Variants in MARCHF6 observed in about 807,000 individuals in gnomAD.
The protein encoded by MARCHF6 is E3 ubiquitin-protein ligase MARCHF6.
Under a neutral mutation model 133.7 loss-of-function variants are expected in MARCHF6, and 31 were observed. The observed-to-expected ratio is 0.23, with a 90% CI of 0.17 to 0.31. MARCHF6 has a LOEUF of 0.31. Among genes scored for constraint, MARCHF6 ranks in the 10% least tolerant of loss-of-function variants. MARCHF6 has a pLI of 1.00. For missense variants in MARCHF6, 723 were observed against 1,121.6 expected (o/e 0.64, Z 5.08); for synonymous variants, 395 against 402.5 (o/e 0.98, Z 0.22).
chr5:10,424,275 G>T (rs1364012793), intron 23 of MARCHF6, among the ~76,000 whole-genome samples: 1 of 152,074 alleles, frequency 6.6e-6, no homozygotes, highest in African/African-American at 2.4e-5. Context: ...TGGCAGATGC[G>T]GCTCCTTAGT....
chr5:10,391,186 G>A (rs905421707), intron 6 of MARCHF6, among the ~76,000 whole-genome samples: 9 of 152,142 alleles, frequency 5.9e-5, no homozygotes, highest in African/African-American at 2.2e-4. Context: ...AGGCTGGAGG[G>A]CAGTGGCATG....
At chr5:10,407,275 A>G in intron 17 of MARCHF6, 73 bp downstream of exon 17, 1 of 650,404 alleles carries the variant, frequency 1.5e-6, no homozygotes, top group Non-Finnish European at 2.5e-6. Flanking sequence ...ATTACATTAA[A>G]CATTTAAAAC....
chr5:10,417,045 T>G (rs1739552951), intron 21 of MARCHF6, among the ~76,000 whole-genome samples: 1 of 152,186 alleles, frequency 6.6e-6, no homozygotes, highest in Non-Finnish European at 1.5e-5. Context: ...AGAAACCTAG[T>G]CCTAAGAACT....
At chr5:10,382,194 G>C (rs544556648) in intron 4 of MARCHF6, among the ~76,000 whole-genome samples, 1 of 152,126 alleles carries the variant, frequency 6.6e-6, no homozygotes, top group Non-Finnish European at 1.5e-5. Context: ...TCATGAAAGC[G>C]TTGAAAAAAT....
intron 10 of MARCHF6, among the ~76,000 whole-genome samples, chr5:10,398,852 G>A (rs1738345907): frequency 6.6e-6 from 1 of 152,122 alleles, no homozygotes; most frequent in Admixed American, 6.5e-5. Flanking sequence ...AATGAAACAA[G>A]TTTTCTTCCA....
chr5:10,386,718 T>C (rs1737502799), intron 4 of MARCHF6, among the ~76,000 whole-genome samples: 1 of 152,258 alleles, frequency 6.6e-6, no homozygotes, highest in African/African-American at 2.4e-5. Context: ...GATTTTTCTT[T>C]TCAAACATCT....
intron 4 of MARCHF6, among the ~76,000 whole-genome samples, chr5:10,385,548 CA>C (rs1014749974): frequency 6.6e-6 from 1 of 152,114 alleles, no homozygotes; most frequent in Non-Finnish European, 1.5e-5. Context: ...ATAAAACTTG[CA>C]CTACTACAAG....
At chr5:10,366,143 G>A (rs1679100968) in intron 1 of MARCHF6, among the ~76,000 whole-genome samples, 1 of 151,986 alleles carries the variant, frequency 6.6e-6, no homozygotes, top group African/African-American at 2.4e-5. Flanking sequence ...TGTTGGCCAG[G>A]CTGGTTTCGA....
chr5:10,417,819 A>G lies in MARCHF6; in HGVS notation c.2283+415A>G, dbSNP rs193007802. ...TTTAGAAAGACTAATTTTTTTTTTA[A>G]TTCTAGGAACTCTTATAAAATTGTT... On this transcript the variant is annotated intron_variant, in intron 22 of 25. Transcript: ENST00000274140. Among the ~76,000 whole-genome samples, 4 of 150,390 alleles carry G rather than the reference A, an allele frequency of 2.7e-5. No homozygotes were observed. The East Asian group carries it at 7.8e-4, about 29-fold the overall frequency.
At chr5:10,420,600 G>C (rs1739775085) in intron 22 of MARCHF6, among the ~76,000 whole-genome samples, 1 of 152,192 alleles carries the variant, frequency 6.6e-6, no homozygotes. Flanking sequence ...GGCACTGTTA[G>C]CCAGGCCTTA....
Position 10,437,979 on chromosome 5 carries a change from CTG to C in MARCHF6, c.*4298_*4299del, listed in dbSNP as rs1740714849. 1 of 152,824 alleles carries C rather than the reference CTG, an allele frequency of 6.5e-6. No homozygotes were observed. The highest frequency in any genetic ancestry group is 1.5e-5 in the Non-Finnish European group (1 of 68,044). The allele number at this position is 152,824 out of a possible 1,614,324, so 9.5% of individuals were successfully genotyped here. On this transcript the variant is annotated 3_prime_UTR_variant, in exon 26 of 26. Coordinates refer to ENST00000274140, the MANE Select transcript of MARCHF6 (RefSeq NM_005885.4). ...GAAAAACAACTCCAGTTAAATGTGA[CTG>C]TGGCGACTCCCTTTTATGTATACAT...
chr5:10,407,952 A>ACC (rs1579595406), intron 17 of MARCHF6, among the ~76,000 whole-genome samples: 94 of 89,172 alleles, frequency 1.1e-3, no homozygotes, highest in African/African-American at 3.9e-3. Context: ...GTGAAACTGC[A>ACC]TCCCCCCCCC....
intron 10 of MARCHF6, among the ~76,000 whole-genome samples, chr5:10,397,552 ATC>A (rs1738268214): frequency 6.6e-6 from 1 of 151,748 alleles, no homozygotes; most frequent in Non-Finnish European, 1.5e-5. Flanking sequence ...TTACCTACCT[ATC>A]TCTCCCTCTG....
At chr5:10,373,418 C>G (rs1227272760) in intron 1 of MARCHF6, among the ~76,000 whole-genome samples, 1 of 152,104 alleles carries the variant, frequency 6.6e-6, no homozygotes, top group East Asian at 1.9e-4. Context: ...TGAGTGTGCC[C>G]TGGAGTTTGC....
At chr5:10,373,069 AAAAC>A (rs1156916982) in intron 1 of MARCHF6, among the ~76,000 whole-genome samples, 3 of 151,838 alleles carry the variant, frequency 2.0e-5, no homozygotes, top group Admixed American at 6.6e-5. Flanking sequence ...CTTAAAAAAA[AAAAC>A]AAAACAACAA....
chr5:10,386,788 T>C (rs1188184595), intron 4 of MARCHF6: 1 of 416,848 alleles, frequency 2.4e-6, no homozygotes, highest in African/African-American at 2.0e-5. Flanking sequence ...CTAAACATGA[T>C]TGTGTAACAT....
At chr5:10,422,583 C>G (rs1739880573) in intron 22 of MARCHF6, among the ~76,000 whole-genome samples, 1 of 151,920 alleles carries the variant, frequency 6.6e-6, no homozygotes, top group Non-Finnish European at 1.5e-5. Context: ...CTTCCTCTAC[C>G]CAGACAAAAA....
At chr5:10,423,646 G>A in intron 22 of MARCHF6, 89 bp from the exon 23 acceptor site, 2 of 772,824 alleles carry the variant, frequency 2.6e-6, no homozygotes, top group Non-Finnish European at 4.0e-6. Flanking sequence ...ATTTTGATGT[G>A]AAATAATGTA....
In MARCHF6 at chr5:10,433,830, G is replaced by A. The variant is rs1740482883; in HGVS notation, c.*146G>A. ...TGTTCTCAGCATTCAGAGAGCAGCG[G>A]TGTAAGATTCTGCTGTTCTCCCTGG... On this transcript the variant is annotated 3_prime_UTR_variant, in exon 26 of 26. Coordinates refer to ENST00000274140, the MANE Select transcript of MARCHF6 (RefSeq NM_005885.4). The A allele has an allele frequency of 6.0e-6, 4 of 662,354 alleles. No homozygotes were observed. Among genetic ancestry groups the A allele is most frequent in the South Asian group, 3.7e-5 (2 of 53,524 alleles). 41.0% of individuals were successfully genotyped at this position (662,354 alleles called of 1,614,324 possible).
Sources: allele counts gnomAD v4.1 joint callset (sites outside exome capture counted in the v4.1 genomes callset), GRCh38; gene constraint gnomAD v4.1.1; transcripts MANE v1.5; gene names NCBI Gene and HGNC (gene_info 2026-07-23, HGNC 2026-07-21).